RBM6: variants seen among roughly 807,000 people sequenced by gnomAD.
RBM6 encodes the protein RNA binding motif protein 6, also known as RNA-binding protein 6.
In RBM6, 23 loss-of-function variants were observed where a neutral mutation model predicts 140.4. The ratio of observed to expected loss-of-function variants is 0.16; its 90% confidence interval spans 0.12 to 0.23. The LOEUF is 0.23. Ranked by LOEUF, RBM6 falls within the 10% of genes least tolerant of loss-of-function variation. RBM6 has a pLI of 1.00. For synonymous variants in RBM6, 439 were observed against 475.6 expected (o/e 0.92, Z 1.00); for missense variants, 1,139 against 1,386.7 (o/e 0.82, Z 2.84).
At chr3:49,995,474 G>A (rs1168046115) in intron 5 of RBM6, among the ~76,000 whole-genome samples, 2 of 151,550 alleles carry the variant, frequency 1.3e-5, no homozygotes, top group Non-Finnish European at 2.9e-5. Flanking sequence ...AGCCTGAGAG[G>A]CAGAGGTTGC....
chr3:50,034,296 T>C (rs988075798), intron 6 of RBM6, among the ~76,000 whole-genome samples: 4 of 152,036 alleles, frequency 2.6e-5, no homozygotes, highest in Non-Finnish European at 5.9e-5. Flanking sequence ...GACTTCTTAG[T>C]GTGGTGTTTC....
Position 50,061,143 on chromosome 3 carries a change from A to G in RBM6, c.2275A>G (p.Lys759Glu), listed in dbSNP as rs746905733. 1.2e-6 allele frequency: 2 copies of G among 1,614,142 alleles called. No homozygotes were observed. The highest frequency in any genetic ancestry group is 1.1e-5 in the South Asian group (1 of 91,072). The part of the protein sequence containing the change: ...HSDHMHYYQG[K>E]KYFRDRRGGG... ...TTAACTTGCCTTTCTGTGATAGGGT[A>G]AAAAATATTTCCGAGATAGGAGGGG... Residue 759 changes from lysine (K) to glutamate (E), a missense_variant, in exon 13 of 21, where the codon AAA becomes GAA. By Grantham distance (56) the Lys-to-Glu change is moderately conservative. Coordinates refer to ENST00000266022, the MANE Select transcript of RBM6 (RefSeq NM_005777.3).
At chr3:50,049,414 A>G (rs1185207998) in intron 7 of RBM6, among the ~76,000 whole-genome samples, 1 of 152,136 alleles carries the variant, frequency 6.6e-6, no homozygotes, top group Non-Finnish European at 1.5e-5. Flanking sequence ...CCAGCCGGCT[A>G]TACTCTTTAA....
At chr3:50,061,883 G>T in intron 14 of RBM6, 79 bp from the exon 15 acceptor site, 1 of 1,528,992 alleles carries the variant, frequency 6.5e-7, no homozygotes, top group South Asian at 1.3e-5. Context: ...CCCCTAAAAG[G>T]GAACTGTGCG....
chr3:50,067,428 C>G (rs1267148536), intron 17 of RBM6, among the ~76,000 whole-genome samples: 2 of 152,190 alleles, frequency 1.3e-5, no homozygotes, highest in Non-Finnish European at 2.9e-5. Flanking sequence ...TAGGACATTA[C>G]TTGCTGGGTT....
chr3:50,053,464 G>T (rs1174725529), intron 7 of RBM6, among the ~76,000 whole-genome samples: 1 of 152,116 alleles, frequency 6.6e-6, no homozygotes, highest in African/African-American at 2.4e-5. Flanking sequence ...CCGGGAGGTG[G>T]AGGTTGTGGT....
chr3:50,076,903 C>A, intron 20 of RBM6, 105 bp from the exon 21 acceptor site: 5 of 1,169,390 alleles, frequency 4.3e-6, no homozygotes, highest in South Asian at 1.8e-5. Context: ...AAAAAATTAT[C>A]CTATATACTG....
At chr3:49,986,767 C>T (rs1273261475) in intron 5 of RBM6, among the ~76,000 whole-genome samples, 6 of 150,436 alleles carry the variant, frequency 4.0e-5, no homozygotes, top group Non-Finnish European at 7.4e-5. Flanking sequence ...CCCTCCCCTC[C>T]CCTCCCCTTC....
chr3:49,974,673 AT>A (rs55872898), intron 4 of RBM6, among the ~76,000 whole-genome samples: 17,575 of 71,338 alleles, frequency 0.25, 2,003 homozygotes, highest in East Asian at 0.51. Flanking sequence ...TGCCCGGCCA[AT>A]TTTTTTTTTT....
At chr3:50,017,991 C>T (rs2087258735) in intron 6 of RBM6, among the ~76,000 whole-genome samples, 2 of 152,346 alleles carry the variant, frequency 1.3e-5, no homozygotes, top group South Asian at 2.1e-4. Context: ...GCCTCCCCAA[C>T]TATCAGCATC....
At chr3:50,012,217 ATT>A (rs2086881358) in intron 6 of RBM6, among the ~76,000 whole-genome samples, 1 of 151,620 alleles carries the variant, frequency 6.6e-6, no homozygotes. Flanking sequence ...TAATTTTTTA[ATT>A]TTTATTTTTT....
chr3:50,074,734 C>T (rs1234993100), intron 19 of RBM6, among the ~76,000 whole-genome samples: 2 of 152,168 alleles, frequency 1.3e-5, no homozygotes, highest in Non-Finnish European at 2.9e-5. Flanking sequence ...GTGTACCCAG[C>T]AACAAAACAT....
At chr3:49,952,792 C>T (rs2083798000) in intron 1 of RBM6, among the ~76,000 whole-genome samples, 1 of 152,180 alleles carries the variant, frequency 6.6e-6, no homozygotes, top group Non-Finnish European at 1.5e-5. Context: ...GCCACTGCTC[C>T]TGGCTTATTT....
chr3:50,000,573 A>G (rs2086280740), intron 6 of RBM6, among the ~76,000 whole-genome samples: 1 of 151,806 alleles, frequency 6.6e-6, no homozygotes, highest in African/African-American at 2.4e-5. Flanking sequence ...GGCATGCGCC[A>G]CCACGCCGGC....
chr3:50,040,493 T>TACACACACAC (rs1553661202), intron 6 of RBM6, among the ~76,000 whole-genome samples: 1 of 85,898 alleles, frequency 1.2e-5, no homozygotes, highest in African/African-American at 4.6e-5. Context: ...TATATATATA[T>TACACACACAC]ACACACACAC....
chr3:50,043,542 A>ATACATACATACATATATGTATG (rs2089048511), intron 6 of RBM6, among the ~76,000 whole-genome samples: 2 of 150,174 alleles, frequency 1.3e-5, no homozygotes, highest in Non-Finnish European at 3.0e-5. Flanking sequence ...ATACATATAC[A>ATACATACATACATATATGTATG]TACATACATA....
rs1575572030 is a variant in RBM6 at position 49,967,767 on chromosome 3, C to T, written c.342C>T (p.Asp114=). 4.3e-6 allele frequency: 7 copies of T among 1,614,070 alleles called. No individual in the cohort carries two copies. The East Asian group carries it at 1.6e-4, about 36-fold the overall frequency. The change falls in exon 3 of 21, where the codon GAC becomes GAT. Residue 114 remains aspartate, a synonymous_variant. Coordinates refer to ENST00000266022, the MANE Select transcript of RBM6 (RefSeq NM_005777.3). The surrounding 1 kb of genome is among the most constrained non-coding windows in gnomAD (Gnocchi z 4.0). The stretch of plus-strand genomic sequence containing the variant: ...AGAGCAGAGATTCATCACAGTTGGA[C>T]TTCAGGGGTAGGGACATACATTCTG... ...DFQSRDSSQL[D]FRGRDIHSGD...
intron 4 of RBM6, among the ~76,000 whole-genome samples, chr3:49,974,673 ATTTTT>A (rs55872898): frequency 6.9e-5 from 5 of 72,450 alleles, no homozygotes; most frequent in African/African-American, 3.3e-4. Context: ...TGCCCGGCCA[ATTTTT>A]TTTTTTTTTT....
intron 15 of RBM6, among the ~76,000 whole-genome samples, chr3:50,064,829 C>T (rs1294002869): frequency 6.6e-6 from 1 of 152,208 alleles, no homozygotes; most frequent in African/African-American, 2.4e-5. Context: ...CCCGCCACCA[C>T]GCCCAGCTAA....
Sources: allele counts gnomAD v4.1 joint callset (sites outside exome capture counted in the v4.1 genomes callset), GRCh38; gene constraint gnomAD v4.1.1; non-coding constraint Gnocchi (gnomAD v3.1); transcripts MANE v1.5; gene names NCBI Gene and HGNC (gene_info 2026-07-23, HGNC 2026-07-21).